GRID2: variants seen among roughly 807,000 people sequenced by gnomAD.
GRID2 encodes glutamate ionotropic receptor delta type subunit 2.
In GRID2, 33 loss-of-function variants were observed where a neutral mutation model predicts 114.8. The observed-to-expected ratio is 0.29, with a 90% confidence interval of 0.22 to 0.38. The LOEUF is 0.38. GRID2 is among the 10% of genes least tolerant of loss of function. GRID2 has a pLI of 1.00. For synonymous variants in GRID2, 505 were observed against 449.9 expected (o/e 1.12, Z -1.55); for missense variants, 1,184 against 1,257.7 (o/e 0.94, Z 0.89).
intron 4 of GRID2, among the ~76,000 whole-genome samples, chr4:93,180,262 T>C (rs756672789): frequency 3.3e-5 from 5 of 152,130 alleles, no homozygotes; most frequent in Non-Finnish European, 7.4e-5. Context: ...GTAAATGTTA[T>C]GTTTGCACTA....
rs533042666 is a variant in GRID2, at chr4:93,042,275, T to TTCTC, written c.245-42698_245-42695dup. Among the ~76,000 whole-genome samples the TTCTC allele has an allele frequency of 2.4e-3, 307 of 125,588 alleles. 2 individuals are homozygous for TTCTC. The highest frequency in any genetic ancestry group is 0.012 in the East Asian group (49 of 4,204). 82.4% of individuals were successfully genotyped at this position (125,588 alleles called of 152,430 possible). On this transcript the variant is annotated intron_variant, in intron 2 of 15. Coordinates refer to ENST00000282020, the MANE Select transcript of GRID2 (RefSeq NM_001510.4). ...TCTCTCTCTCTCTCTCTCTCTCTCT[T>TTCTC]TCTCTCTCTCTCTCTCTCTCTCTCT... is the stretch of plus-strand genomic sequence containing the variant.
At chr4:93,445,715 T>C (rs1311867977) in intron 10 of GRID2, among the ~76,000 whole-genome samples, 2 of 152,014 alleles carry the variant, frequency 1.3e-5, no homozygotes, top group Admixed American at 1.3e-4. Flanking sequence ...GAAAATAATA[T>C]TCACTGATTT....
chr4:93,440,974 T>C (rs1161094821), intron 10 of GRID2, among the ~76,000 whole-genome samples: 1 of 152,054 alleles, frequency 6.6e-6, no homozygotes, highest in African/African-American at 2.4e-5. Context: ...CATCCAGGAA[T>C]GGCTCTTAGA....
At chr4:93,616,124 G>A (rs1289867002) in intron 13 of GRID2, among the ~76,000 whole-genome samples, 1 of 152,068 alleles carries the variant, frequency 6.6e-6, no homozygotes, top group Non-Finnish European at 1.5e-5. Flanking sequence ...TGCACATTTT[G>A]AGGTAACTGA....
rs1390614220 is a variant in GRID2 at position 92,811,523 on chromosome 4, AC to A, written c.244+221242del. On this transcript the variant is annotated intron_variant, in intron 2 of 15. Coordinates refer to ENST00000282020, the MANE Select transcript of GRID2 (RefSeq NM_001510.4). ...GAAATGTATATCAAATCAGTCATTAACCCCCAAATTTACCTAAATGATTCCA... is the reference window on the plus strand; with the variant it reads ...GAAATGTATATCAAATCAGTCATTAACCCCAAATTTACCTAAATGATTCCA... 2.6e-5 allele frequency among the ~76,000 whole-genome samples: 4 copies of A among 152,152 alleles called. No individual in the cohort carries two copies. The East Asian group carries it at 7.7e-4, about 29-fold the overall frequency.
At chr4:93,683,630 T>C (rs1443721731) in intron 14 of GRID2, among the ~76,000 whole-genome samples, 1 of 152,142 alleles carries the variant, frequency 6.6e-6, no homozygotes, top group African/African-American at 2.4e-5. Context: ...CTACTGAAAC[T>C]TGGCAATTAG....
chr4:92,446,503 G>T (rs928157743), intron 1 of GRID2, among the ~76,000 whole-genome samples: 8 of 152,162 alleles, frequency 5.3e-5, no homozygotes, highest in Admixed American at 3.3e-4. Flanking sequence ...CTTCTGTGTG[G>T]CTCTCCTATG....
chr4:93,657,426 C>G (rs527463403), intron 14 of GRID2, among the ~76,000 whole-genome samples: 13 of 152,112 alleles, frequency 8.5e-5, no homozygotes, highest in Admixed American at 2.6e-4. Context: ...TACAGAGGAG[C>G]TCCCACCAAA....
At chr4:93,021,934 T>G (rs976603896) in intron 2 of GRID2, among the ~76,000 whole-genome samples, 9 of 150,830 alleles carry the variant, frequency 6.0e-5, no homozygotes, top group Non-Finnish European at 1.0e-4. Flanking sequence ...GAGAGGAATT[T>G]TATTTACATA....
chr4:92,900,934 G>A (rs929330697), intron 2 of GRID2, among the ~76,000 whole-genome samples: 61 of 138,996 alleles, frequency 4.4e-4, no homozygotes, highest in Admixed American at 7.8e-4. Flanking sequence ...AGTAGTATTC[G>A]TCTGTGTGTG....
chr4:93,727,937 C>T (rs1329606569), intron 14 of GRID2, among the ~76,000 whole-genome samples: 1 of 152,124 alleles, frequency 6.6e-6, no homozygotes, highest in Non-Finnish European at 1.5e-5. Flanking sequence ...AAAAAACCAG[C>T]TTCTGGATTC....
intron 2 of GRID2, among the ~76,000 whole-genome samples, chr4:92,793,098 C>T (rs1029139680): frequency 6.6e-6 from 1 of 151,666 alleles, no homozygotes; most frequent in African/African-American, 2.4e-5. Flanking sequence ...TTCATTTATG[C>T]ACCAGTTCCA....
intron 2 of GRID2, among the ~76,000 whole-genome samples, chr4:92,952,298 G>T (rs978376752): frequency 1.1e-4 from 16 of 151,984 alleles, no homozygotes; most frequent in Admixed American, 4.6e-4. Flanking sequence ...TCTTTGAACT[G>T]TTTACATATT....
At chr4:92,725,545 T>C (rs1388826084) in intron 2 of GRID2, among the ~76,000 whole-genome samples, 1 of 152,136 alleles carries the variant, frequency 6.6e-6, no homozygotes, top group African/African-American at 2.4e-5. Flanking sequence ...AACTCTGCTT[T>C]TCAGAAAGTT....
At chr4:92,748,117 C>G (rs1027408771) in intron 2 of GRID2, among the ~76,000 whole-genome samples, 1 of 152,112 alleles carries the variant, frequency 6.6e-6, no homozygotes, top group Non-Finnish European at 1.5e-5. Context: ...GACCCTGATA[C>G]CAGTAGTCAA....
At chr4:92,909,109 T>C (rs993891858) in intron 2 of GRID2, among the ~76,000 whole-genome samples, 1 of 152,144 alleles carries the variant, frequency 6.6e-6, no homozygotes, top group Non-Finnish European at 1.5e-5. Context: ...AAGAGTGATA[T>C]ACCTTATCAT....
intron 2 of GRID2, among the ~76,000 whole-genome samples, chr4:93,063,405 CT>C (rs1727980966): frequency 6.6e-6 from 1 of 151,814 alleles, no homozygotes; most frequent in Admixed American, 6.6e-5. Context: ...TTACAATAAA[CT>C]TTAGGAGTAT....
At chr4:93,757,530 C>G (rs1303759884) in intron 14 of GRID2, among the ~76,000 whole-genome samples, 1 of 152,216 alleles carries the variant, frequency 6.6e-6, no homozygotes, top group Non-Finnish European at 1.5e-5. Context: ...AAACCAAGGT[C>G]TGGTGACCTT....
chr4:93,484,182 C>T (rs929197177), intron 11 of GRID2, among the ~76,000 whole-genome samples: 12 of 151,862 alleles, frequency 7.9e-5, no homozygotes, highest in Non-Finnish European at 1.2e-4. Flanking sequence ...GAATTACCAG[C>T]AATGGTCCAC....
Sources: allele counts gnomAD v4.1 joint callset (sites outside exome capture counted in the v4.1 genomes callset), GRCh38; gene constraint gnomAD v4.1.1; transcripts MANE v1.5; gene names NCBI Gene and HGNC (gene_info 2026-07-23, HGNC 2026-07-21).